The following CRIP3 variants were observed in gnomAD, a reference collection of about 807,000 sequenced individuals.
CRIP3 encodes cysteine rich protein 3, also known as cysteine-rich protein 3.
A neutral mutation model predicts 30.3 loss-of-function variants in CRIP3; 23 were observed. That is an observed-to-expected ratio of 0.76 (90% CI 0.55 to 1.08). The LOEUF is 1.08. CRIP3 is among the 50% of genes least tolerant of loss of function. The pLI is 0.00. For synonymous variants in CRIP3, 89 were observed against 97.6 expected, an observed-to-expected ratio of 0.91 and a Z score of 0.52; for missense variants, 261 against 259.3, an observed-to-expected ratio of 1.01 and a Z score of -0.04.
chr6:43,305,816 A>C lies in CRIP3; in HGVS notation c.613T>G (p.Ter205GlyextTer51), dbSNP rs750674418. 1 of 1,614,068 alleles carries C rather than the reference A, an allele frequency of 6.2e-7. No individual in the cohort carries two copies. Among genetic ancestry groups the C allele is most frequent in the Non-Finnish European group, 8.5e-7 (1 of 1,180,010 alleles). Residue 205 changes from the stop codon to glycine, a stop_lost, in exon 8 of 8, where the codon TGA becomes GGA. Transcript: ENST00000372569. ...GGGTGACCTTTTTTGTGAGCGTCTC[A>C]TTTGAATTTTATCTTCACTGGGTCA... is the stretch of plus-strand genomic sequence containing the variant. ...IYDPVKIKFK* is the reference protein window; with the variant it reads ...IYDPVKIKFKG
rs765195627 is a variant in CRIP3, at chr6:43,306,203, T to C, written c.495+16A>G. The C allele has an allele frequency of 4.3e-6, 7 of 1,614,076 alleles. No homozygotes were observed. Among genetic ancestry groups the C allele is most frequent in the Non-Finnish European group, 3.4e-6 (4 of 1,179,972 alleles). Reference sequence around the variant, plus strand: ...AGCCTCCTCCCAACATAACCACTCATTCCTGCCCTGCTCACCTCAGCATGA... The same window carrying C: ...AGCCTCCTCCCAACATAACCACTCACTCCTGCCCTGCTCACCTCAGCATGA... On this transcript the variant is annotated intron_variant, in intron 6 of 7. Transcript: ENST00000372569.
Position 43,308,381 on chromosome 6 carries a change from G to A in CRIP3, c.72C>T (p.Asn24=). Residue 24 remains asparagine, a synonymous_variant, in exon 2 of 8, where the codon AAC becomes AAT. Transcript: ENST00000372569. ...FAEKVSSLGK[N]WHRFCLKCER... The stretch of plus-strand genomic sequence containing the variant: ...CACATTTCAGGCAGAAGCGGTGCCA[G>A]TTCTTGCCCAGGGAGCTCACCTTCT... The A allele has an allele frequency of 1.9e-6, 3 of 1,613,062 alleles. No individual in the cohort carries two copies. The highest frequency in any genetic ancestry group is 2.5e-6 in the Non-Finnish European group (3 of 1,179,752).
Position 43,305,754 on chromosome 6 carries a change from A to C in CRIP3, c.*60T>G, listed in dbSNP as rs536286394. ...GGGACTGGAGATTTTTGTAGCTTCC[A>C]TTGGACCATGAGGGGCATGATGGGA... is the stretch of plus-strand genomic sequence containing the variant. On this transcript the variant is annotated 3_prime_UTR_variant, in exon 8 of 8. Coordinates refer to ENST00000372569, the MANE Select transcript of CRIP3 (RefSeq NM_206922.3). 34 of 1,603,264 alleles carry C rather than the reference A, an allele frequency of 2.1e-5. No individual in the cohort carries two copies. The East Asian group carries it at 7.6e-4, about 36-fold the overall frequency.
intron 4 of CRIP3, chr6:43,306,831 G>A (rs1454849888): frequency 6.6e-6 from 2 of 301,142 alleles, no homozygotes; most frequent in Non-Finnish European, 1.2e-5. Flanking sequence ...ATAGGAGCTG[G>A]CCACAGCACG....
At chr6:43,306,811 T>C in intron 4 of CRIP3, 1 of 353,942 alleles carries the variant, frequency 2.8e-6, no homozygotes, top group Non-Finnish European at 5.1e-6. Flanking sequence ...CTCAGGAAAC[T>C]TGAGCTGATA....
intron 7 of CRIP3, 43 bp downstream of exon 7, chr6:43,306,024 G>T (rs1234784169): frequency 6.2e-7 from 1 of 1,607,452 alleles, no homozygotes; most frequent in East Asian, 2.2e-5. Context: ...CCATACTTCA[G>T]GCATGTACAT....
chr6:43,306,748 A>C, intron 4 of CRIP3: 1 of 493,252 alleles, frequency 2.0e-6, no homozygotes, highest in Non-Finnish European at 3.6e-6. Flanking sequence ...CTTCCTTTTC[A>C]TCCTCCCAGG....
rs70953697 is a variant in CRIP3 at position 43,305,487 on chromosome 6, T to C, written c.*327A>G. 4.0e-3 allele frequency: 1,551 copies of C among 384,452 alleles called. 18 individuals carry two copies. Among genetic ancestry groups the C allele is most frequent in the African/African-American group, 0.026 (1,258 of 48,434 alleles). The allele number at this position is 384,452 out of a possible 1,614,324, so 23.8% of individuals were successfully genotyped here. ...GTTGAAGGCATGGGAGCCAACATTT[T>C]ATTGAAGAAGCCACAGAGGCTGAAA... On this transcript the variant is annotated 3_prime_UTR_variant, in exon 8 of 8. Coordinates refer to ENST00000372569, the MANE Select transcript of CRIP3 (RefSeq NM_206922.3).
chr6:43,305,971 C>T, intron 7 of CRIP3, 96 bp from the exon 8 acceptor site: 1 of 1,609,466 alleles, frequency 6.2e-7, no homozygotes, highest in Non-Finnish European at 8.5e-7. Flanking sequence ...TATGCTTAAC[C>T]ACAGGGGAAG....
chr6:43,306,414 T>G, intron 5 of CRIP3, 32 bp downstream of exon 5: 1 of 1,593,866 alleles, frequency 6.3e-7, no homozygotes, highest in Non-Finnish European at 8.6e-7. Flanking sequence ...CCACCCTGTA[T>G]CCCCCTCCCC....
chr6:43,307,930 G>A (rs776141581), intron 2 of CRIP3, 34 bp from the exon 3 acceptor site: 3 of 1,611,452 alleles, frequency 1.9e-6, no homozygotes, highest in East Asian at 2.2e-5. Context: ...GGTTACTCAA[G>A]GCCAGCGGGA....
chr6:43,306,581 T>C, intron 4 of CRIP3, 64 bp from the exon 5 acceptor site: 3 of 1,309,060 alleles, frequency 2.3e-6, no homozygotes, highest in Non-Finnish European at 3.2e-6. Flanking sequence ...CCTGCCTGCA[T>C]ATGGTGCTGT....
intron 2 of CRIP3, 47 bp downstream of exon 2, chr6:43,308,268 G>A: frequency 6.8e-7 from 1 of 1,473,544 alleles, no homozygotes; most frequent in Non-Finnish European, 9.3e-7. Flanking sequence ...CCTGGGGGGT[G>A]GGAGGCAGTG....
chr6:43,307,382 C>T (rs993487680), intron 4 of CRIP3: 2 of 335,354 alleles, frequency 6.0e-6, no homozygotes, highest in African/African-American at 4.2e-5. Flanking sequence ...TCATGATCCA[C>T]CTGCCTCGGC....
chr6:43,307,773 G>A, intron 3 of CRIP3, 30 bp from the exon 4 acceptor site: 2 of 1,607,444 alleles, frequency 1.2e-6, no homozygotes, highest in Non-Finnish European at 1.7e-6. Flanking sequence ...GGTCAGGCTT[G>A]AGCCCCCAGC....
chr6:43,306,635 C>T (rs1014073992), intron 4 of CRIP3, 118 bp from the exon 5 acceptor site: 31 of 842,746 alleles, frequency 3.7e-5, no homozygotes, highest in Admixed American at 5.9e-5. Flanking sequence ...CCCACCCAGG[C>T]GCCCAAGAGT....
In CRIP3 at chr6:43,308,766, C is replaced by G. The variant is rs1779000229; in HGVS notation, c.27G>C (p.Gln9His). Reference sequence around the variant, plus strand: ...GGGCCTCACCGAAGAAAACAGGTTGCTGGCAACGCGGACAGGTCCAGCTCA... The same window carrying G: ...GGGCCTCACCGAAGAAAACAGGTTGGTGGCAACGCGGACAGGTCCAGCTCA... Reference protein sequence around the residue: MSWTCPRCQQPVFFAEKVS... With the variant: MSWTCPRCHQPVFFAEKVS... The change falls in exon 1 of 8, where the codon CAG becomes CAC. Residue 9 changes from glutamine to histidine, a missense_variant. Gln to His is a conservative substitution (Grantham distance 24). Transcript: ENST00000372569. 6.2e-7 allele frequency: 1 copy of G among 1,614,026 alleles called. No individual in the cohort carries two copies. Among genetic ancestry groups the G allele is most frequent in the Admixed American group, 1.7e-5 (1 of 60,008 alleles).
At chr6:43,307,540 C>T (rs949301568) in intron 4 of CRIP3, 72 bp downstream of exon 4, 26 of 1,358,318 alleles carry the variant, frequency 1.9e-5, no homozygotes, top group Non-Finnish European at 2.4e-5. Flanking sequence ...GAGACTGCCA[C>T]CTGGCCCAAC....
chr6:43,306,921 T>C (rs958200773), intron 4 of CRIP3: 1 of 180,802 alleles, frequency 5.5e-6, no homozygotes, highest in Non-Finnish European at 1.2e-5. Flanking sequence ...AGGAGAAAAG[T>C]TGAAGAATAT....
Sources: gnomAD v4.1 joint callset for allele counts on GRCh38, gnomAD v4.1.1 for gene constraint, MANE v1.5 for transcripts, NCBI Gene and HGNC (gene_info 2026-07-23, HGNC 2026-07-21) for gene names.